Variants in ANTXRL observed in about 807,000 individuals in gnomAD.
ANTXRL encodes ANTXR like.
Under a neutral mutation model 75.4 loss-of-function variants are expected in ANTXRL, and 63 were observed. The observed-to-expected ratio is 0.84, with a 90% CI of 0.68 to 1.03. ANTXRL has a LOEUF of 1.03. Ranked by LOEUF, ANTXRL falls within the 50% of genes least tolerant of loss-of-function variation. ANTXRL has a pLI of 0.00. For synonymous variants in ANTXRL, 335 were observed against 291.3 expected (o/e 1.15, Z -1.53); for missense variants, 797 against 789.4 (o/e 1.01, Z -0.12).
chr10:46,297,946 A>C (rs1554959445), intron 8 of ANTXRL, 35 bp downstream of exon 8: 1 of 1,535,560 alleles, frequency 6.5e-7, no homozygotes, highest in South Asian at 1.2e-5. Context: ...GGGGACCTGG[A>C]TCCTTTGGCA....
At position 46,329,589 on chromosome 10, in the gene ANTXRL, T is replaced by C; in HGVS notation, c.1411-10T>C. The C allele has an allele frequency of 6.5e-7, 1 of 1,533,136 alleles. No individual in the cohort carries two copies. The highest frequency in any genetic ancestry group is 8.7e-7 in the Non-Finnish European group (1 of 1,144,414). The allele number at this position is 1,533,136 out of a possible 1,614,324, so 95.0% of individuals were successfully genotyped here. On this transcript the variant is annotated splice_polypyrimidine_tract_variant and intron_variant, in intron 16 of 16. Transcript: ENST00000620264. The stretch of plus-strand genomic sequence containing the variant: ...TCACGGTGACCTTCTCTCTCTTCTC[T>C]TCCCTACAGGGGAGGTACCTCAGCT...
At chr10:46,297,685 G>C (rs1311467863) in intron 7 of ANTXRL, 146 bp from the exon 8 acceptor site, 24 of 865,378 alleles carry the variant, frequency 2.8e-5, no homozygotes, top group South Asian at 1.7e-4. Context: ...CTAAGAGTGG[G>C]CTGCTGGCTG....
At chr10:46,298,306 A>G (rs67610868) in intron 9 of ANTXRL, among the ~76,000 whole-genome samples, 61,463 of 150,600 alleles carry the variant, frequency 0.41, 12,199 homozygotes, top group Non-Finnish European at 0.48. Context: ...TGTGTGTGAA[A>G]TCTGCGGGAG....
At position 46,330,012 on chromosome 10, in the gene ANTXRL, G is replaced by T. The variant is rs1214044949; in HGVS notation, c.1824G>T (p.Pro608=). Reference sequence around the variant, plus strand: ...TGAGGCCTCCCTCCAGGATGCTGCCGCTGCTGTCCCCACTGCTCAGGCACA... The same window carrying T: ...TGAGGCCTCCCTCCAGGATGCTGCCTCTGCTGTCCCCACTGCTCAGGCACA... The part of the protein sequence containing the change: ...RCLRPPSRML[P]LLSPLLRHTA... Residue 608 remains proline, a synonymous_variant, in exon 17 of 17, where the codon CCG becomes CCT. Coordinates refer to ENST00000620264, the MANE Select transcript of ANTXRL (RefSeq NM_001278688.3). The T allele has an allele frequency of 6.5e-7, 1 of 1,532,962 alleles. No individual in the cohort carries two copies. The highest frequency in any genetic ancestry group is 8.7e-7 in the Non-Finnish European group (1 of 1,145,530). 95.0% of individuals were successfully genotyped at this position (1,532,962 alleles called of 1,614,324 possible).
At position 46,297,841 on chromosome 10, in the gene ANTXRL, T is replaced by C; in HGVS notation, c.665T>C (p.Ile222Thr). ...ADYNLDQITAIADSPGHVFAV... is the reference protein window; with the variant it reads ...ADYNLDQITATADSPGHVFAV... ...CTCTGCTCTCTGTAGATAACAGCAA[T>C]TGCAGACAGCCCTGGCCACGTGTTT... Residue 222 changes from isoleucine (I) to threonine (T), a missense_variant, in exon 8 of 17, where the codon ATT becomes ACT. Around this residue, in one of 3 missense-constraint regions of ANTXRL, gnomAD observed 56 missense variants for 95.5 expected, o/e 0.59. Transcript: ENST00000620264. The C allele has an allele frequency of 6.5e-7, 1 of 1,535,884 alleles. No homozygotes were observed. The highest frequency in any genetic ancestry group is 8.7e-7 in the Non-Finnish European group (1 of 1,146,722).
intron 16 of ANTXRL, among the ~76,000 whole-genome samples, chr10:46,327,825 G>A (rs1287051557): frequency 9.9e-5 from 15 of 152,078 alleles, no homozygotes; most frequent in Non-Finnish European, 1.9e-4. Context: ...CCAGGCAGCC[G>A]GGAAGGGTGG....
intron 1 of ANTXRL, among the ~76,000 whole-genome samples, chr10:46,288,327 A>G (rs782171070): frequency 1.3e-5 from 2 of 152,082 alleles, no homozygotes; most frequent in South Asian, 2.1e-4. Flanking sequence ...TGAGTAGTAC[A>G]GGTATTTTTC....
At chr10:46,324,978 T>A (rs1438550948) in intron 16 of ANTXRL, among the ~76,000 whole-genome samples, 10 of 152,160 alleles carry the variant, frequency 6.6e-5, no homozygotes, top group Non-Finnish European at 1.5e-4. Flanking sequence ...CTCTTGAACT[T>A]GATTCGAAAC....
chr10:46,291,900 C>T lies in ANTXRL; in HGVS notation c.249-158C>T, dbSNP rs574918568. Reference sequence around the variant, plus strand: ...ACTCAACTGGTGAAACTCATGACCTCGGATGATCCAGTGGCCACTGGGGGT... The same window carrying T: ...ACTCAACTGGTGAAACTCATGACCTTGGATGATCCAGTGGCCACTGGGGGT... On this transcript the variant is annotated intron_variant, in intron 1 of 16. Transcript: ENST00000620264. Among the ~76,000 whole-genome samples, 19 of 152,222 alleles carry T rather than the reference C, an allele frequency of 1.2e-4. No homozygotes were observed. The East Asian group carries it at 1.5e-3, about 12-fold the overall frequency.
intron 2 of ANTXRL, 95 bp downstream of exon 2, chr10:46,292,224 T>A: frequency 8.2e-7 from 1 of 1,212,754 alleles, no homozygotes; most frequent in Middle Eastern, 2.2e-4. Context: ...GGGGTGGGCG[T>A]GGGAGTCCTT....
intron 16 of ANTXRL, 47 bp from the exon 17 acceptor site, chr10:46,329,552 G>A: frequency 6.6e-7 from 1 of 1,516,272 alleles, no homozygotes; most frequent in Non-Finnish European, 8.8e-7. Context: ...TCTGAGCCCA[G>A]TTCGAATGCC....
Position 46,292,089 on chromosome 10 carries a change from C to A in ANTXRL, c.280C>A (p.Leu94Ile). The change falls in exon 2 of 17, where the codon CTT becomes ATT. Residue 94 changes from leucine to isoleucine, a missense_variant. Leu to Ile is a conservative substitution (Grantham distance 5). Around this residue, in one of 3 missense-constraint regions of ANTXRL, gnomAD observed 262 missense variants for 271.9 expected, o/e 0.96. Coordinates refer to ENST00000620264, the MANE Select transcript of ANTXRL (RefSeq NM_001278688.3). The stretch of plus-strand genomic sequence containing the variant: ...CAGCGTGAACAATAACTGGATTGAC[C>A]TTTATATGTGGGTGGAGGAAACAGT... The part of the protein sequence containing the change: ...SGSVNNNWID[L>I]YMWVEETVAR... The A allele has an allele frequency of 6.5e-7, 1 of 1,536,302 alleles. No homozygotes were observed. The highest frequency in any genetic ancestry group is 8.7e-7 in the Non-Finnish European group (1 of 1,146,834).
At chr10:46,328,230 C>T (rs1253230986) in intron 16 of ANTXRL, among the ~76,000 whole-genome samples, 2 of 152,154 alleles carry the variant, frequency 1.3e-5, no homozygotes, top group Non-Finnish European at 2.9e-5. Context: ...CAGCAGTTCA[C>T]TGGGCAGACA....
chr10:46,289,938 G>A (rs1836913627), intron 1 of ANTXRL, among the ~76,000 whole-genome samples: 2 of 151,750 alleles, frequency 1.3e-5, no homozygotes, highest in Non-Finnish European at 2.9e-5. Context: ...TTTTCACTTA[G>A]CATAATGTTT....
At chr10:46,307,794 C>A (rs1279489994) in intron 12 of ANTXRL, among the ~76,000 whole-genome samples, 1 of 152,126 alleles carries the variant, frequency 6.6e-6, no homozygotes, top group Non-Finnish European at 1.5e-5. Context: ...TGGTCCTGAA[C>A]CTGCTGATGA....
intron 13 of ANTXRL, among the ~76,000 whole-genome samples, chr10:46,309,451 G>T (rs1456416844): frequency 6.6e-6 from 1 of 152,190 alleles, no homozygotes. Context: ...TGGACATGGG[G>T]TTGAGGCCTG....
chr10:46,310,012 C>T lies in ANTXRL; in HGVS notation c.1135-449C>T, dbSNP rs76415608. On this transcript the variant is annotated intron_variant, in intron 13 of 16. Coordinates refer to ENST00000620264, the MANE Select transcript of ANTXRL (RefSeq NM_001278688.3). Reference sequence around the variant, plus strand: ...AGCGCAGAGCTCAGCCCAGGGAACACACAGGGCTCATGTCTGCATAGGGAG... The same window carrying T: ...AGCGCAGAGCTCAGCCCAGGGAACATACAGGGCTCATGTCTGCATAGGGAG... Among the ~76,000 whole-genome samples, 506 of 152,206 alleles carry T rather than the reference C, an allele frequency of 3.3e-3. 8 individuals carry two copies. Among genetic ancestry groups the T allele is most frequent in the African/African-American group, 0.012 (480 of 41,516 alleles).
In ANTXRL at chr10:46,309,591, G is replaced by A. The variant is rs187423338; in HGVS notation, c.1134+389G>A. Among the ~76,000 whole-genome samples, 328 of 152,296 alleles carry A rather than the reference G, an allele frequency of 2.2e-3. 2 individuals carry two copies. The highest frequency in any genetic ancestry group is 7.7e-3 in the African/African-American group (321 of 41,536). ...TCTGTGTGGAGGGAGGAAGAGAGGG[G>A]CCCCCATGAGGCCCTGCTGGCCCAA... On this transcript the variant is annotated intron_variant, in intron 13 of 16. Transcript: ENST00000620264.
chr10:46,305,322 A>G (rs1342071299), intron 10 of ANTXRL, among the ~76,000 whole-genome samples: 1 of 152,202 alleles, frequency 6.6e-6, no homozygotes, highest in Non-Finnish European at 1.5e-5. Context: ...CTGAAATAAC[A>G]AACAGAGAGA....
Sources: allele counts gnomAD v4.1 joint callset (sites outside exome capture counted in the v4.1 genomes callset), GRCh38; gene constraint gnomAD v4.1.1; regional missense constraint gnomAD v4.1.1; transcripts MANE v1.5; gene names NCBI Gene and HGNC (gene_info 2026-07-23, HGNC 2026-07-21).